The following ARSG variants were observed in gnomAD, a reference collection of about 807,000 sequenced individuals.
ARSG encodes arylsulfatase G, also known as ASG.
In ARSG, 37 loss-of-function variants were observed where a neutral mutation model predicts 50.5. The ratio of observed to expected loss-of-function variants is 0.73; its 90% CI spans 0.56 to 0.96. The LOEUF is 0.96. Ranked by LOEUF, ARSG falls within the 50% of genes least tolerant of loss-of-function variation. ARSG has a pLI of 0.00. For missense variants in ARSG, 629 were observed against 675.3 expected, an observed-to-expected ratio of 0.93 and a Z score of 0.76; for synonymous variants, 225 against 254.6, an observed-to-expected ratio of 0.88 and a Z score of 1.11.
chr17:68,346,855 C>T (rs1668518985), intron 3 of ARSG: 2 of 1,403,398 alleles, frequency 1.4e-6, no homozygotes, highest in Non-Finnish European at 1.9e-6. Flanking sequence ...GGCAGAGGCT[C>T]AGGCTTCTCC....
At chr17:68,401,065 C>T in intron 10 of ARSG, 1 of 293,920 alleles carries the variant, frequency 3.4e-6, no homozygotes, top group Non-Finnish European at 6.4e-6. Context: ...GCTCTATCAC[C>T]CAGGCTGGAG....
intron 6 of ARSG, among the ~76,000 whole-genome samples, chr17:68,363,267 A>G (rs1881358065): frequency 6.6e-6 from 1 of 152,136 alleles, no homozygotes; most frequent in African/African-American, 2.4e-5. Flanking sequence ...AACAGGGAGA[A>G]TACTGCTGAG....
chr17:68,434,434 A>T, the ARSG span: 1 of 950,338 alleles, frequency 1.1e-6, no homozygotes, highest in South Asian at 1.7e-5. Context: ...GAGAGTAGTT[A>T]CACTTCCTCC....
At chr17:68,310,813 A>C (rs1479009940) in intron 2 of ARSG, among the ~76,000 whole-genome samples, 2 of 152,190 alleles carry the variant, frequency 1.3e-5, no homozygotes, top group Non-Finnish European at 2.9e-5. Context: ...ACCTCCATCA[A>C]GGTGAACTTT....
At chr17:68,371,394 A>G (rs2079841258) in intron 8 of ARSG, among the ~76,000 whole-genome samples, 1 of 150,956 alleles carries the variant, frequency 6.6e-6, no homozygotes, top group Admixed American at 6.6e-5. Context: ...GTTTGTGAGG[A>G]GGGAGCCAGG....
At chr17:68,439,158 A>G in the ARSG span, among the ~76,000 whole-genome samples, 1 of 152,250 alleles carries the variant, frequency 6.6e-6, no homozygotes, top group African/African-American at 2.4e-5. Context: ...AATTTAACAT[A>G]TGTCCACACA....
chr17:68,286,573 T>C (rs1468420165), upstream of ARSG, among the ~76,000 whole-genome samples: 5 of 152,076 alleles, frequency 3.3e-5, no homozygotes, highest in African/African-American at 9.7e-5. Context: ...GGCACGATCT[T>C]GGCTCACTGC....
intron 1 of ARSG, among the ~76,000 whole-genome samples, chr17:68,297,885 A>G (rs1226719113): frequency 6.6e-6 from 1 of 151,942 alleles, no homozygotes; most frequent in African/African-American, 2.4e-5. Flanking sequence ...ACAGTAGCCA[A>G]TATTTCTTAG....
chr17:68,314,093 T>C (rs782585455), intron 2 of ARSG, among the ~76,000 whole-genome samples: 1 of 152,126 alleles, frequency 6.6e-6, no homozygotes, highest in Admixed American at 6.5e-5. Context: ...AGCCAGACAG[T>C]TTGAGCTCAA....
chr17:68,410,992 C>T (rs1345967483), intron 11 of ARSG, among the ~76,000 whole-genome samples: 1 of 151,946 alleles, frequency 6.6e-6, no homozygotes, highest in Non-Finnish European at 1.5e-5. Flanking sequence ...TTTTTTATTG[C>T]ATCTATTTGA....
intron 11 of ARSG, among the ~76,000 whole-genome samples, chr17:68,402,603 CA>C (rs2081522490): frequency 6.6e-6 from 1 of 152,054 alleles, no homozygotes; most frequent in Non-Finnish European, 1.5e-5. Context: ...TGGCTCACTG[CA>C]AGCTCTGCCT....
chr17:68,264,981 C>A (rs548485163), intron 1 of ARSG, among the ~76,000 whole-genome samples: 90 of 151,052 alleles, frequency 6.0e-4, no homozygotes, highest in African/African-American at 2.1e-3. Context: ...TGGCGAAACC[C>A]TGTCTCTACT....
chr17:68,283,858 A>G (rs1335194474), intron 1 of ARSG, among the ~76,000 whole-genome samples: 1 of 145,406 alleles, frequency 6.9e-6, no homozygotes, highest in African/African-American at 2.5e-5. Context: ...AGCCTGGGCA[A>G]AAAGAGCAAA....
chr17:68,388,529 A>T (rs1431638833), intron 9 of ARSG, among the ~76,000 whole-genome samples: 1 of 152,190 alleles, frequency 6.6e-6, no homozygotes, highest in African/African-American at 2.4e-5. Context: ...CTGAGCTGGG[A>T]GACCCCTACC....
At chr17:68,421,503 T>C (rs78019753), downstream of ARSG, 3,376 of 472,060 alleles carry the variant, frequency 7.2e-3, 98 homozygotes, top group African/African-American at 0.06. Flanking sequence ...TCCGGTTATA[T>C]ACCAATATGG....
chr17:68,265,434 C>T (rs1427280247), intron 1 of ARSG, among the ~76,000 whole-genome samples: 2 of 152,302 alleles, frequency 1.3e-5, no homozygotes, highest in African/African-American at 2.4e-5. Flanking sequence ...GTGGAGGTTG[C>T]AGTGAGCCAA....
intron 1 of ARSG, among the ~76,000 whole-genome samples, chr17:68,284,441 A>G (rs1371978829): frequency 1.3e-5 from 2 of 152,214 alleles, no homozygotes; most frequent in Non-Finnish European, 2.9e-5. Flanking sequence ...AAAATTCTTT[A>G]CAATTATACA....
intron 1 of ARSG, among the ~76,000 whole-genome samples, chr17:68,297,928 T>C (rs2076264737): frequency 6.6e-6 from 1 of 152,152 alleles, no homozygotes; most frequent in South Asian, 2.1e-4. Flanking sequence ...GATTATTTCA[T>C]TCTCACATTG....
chr17:68,427,688 A>C (rs1205643986), downstream of ARSG: 1 of 159,716 alleles, frequency 6.3e-6, no homozygotes, highest in Non-Finnish European at 1.4e-5. Context: ...TGCCAGGGGC[A>C]GTCACACACC....
Sources: allele counts gnomAD v4.1 joint callset (sites outside exome capture counted in the v4.1 genomes callset), GRCh38; gene constraint gnomAD v4.1.1; transcripts MANE v1.5; gene names NCBI Gene and HGNC (gene_info 2026-07-23, HGNC 2026-07-21).